KANSL3: variants seen among roughly 807,000 people sequenced by gnomAD.
KANSL3 encodes the protein NSL complex protein NSL3.
A neutral mutation model predicts 89.2 loss-of-function variants in KANSL3; 16 were observed. The ratio of observed to expected loss-of-function variants is 0.18; its 90% CI spans 0.12 to 0.27. The LOEUF (loss-of-function observed/expected upper bound fraction) is 0.27. Among genes scored for constraint, KANSL3 ranks in the 10% least tolerant of loss-of-function variants. The pLI is 1.00. For synonymous variants in KANSL3, 385 were observed against 419.7 expected (o/e 0.92, Z 1.01); for missense variants, 879 against 1,110.6 (o/e 0.79, Z 2.96).
chr2:96,627,572 A>G (rs1255812387), intron 3 of KANSL3, among the ~76,000 whole-genome samples: 19 of 152,208 alleles, frequency 1.2e-4, no homozygotes, highest in Admixed American at 1.2e-3. Flanking sequence ...GAGAGAGGAA[A>G]AAAGCTCTTA....
chr2:96,589,453 G>C (rs2066259526), downstream of KANSL3, among the ~76,000 whole-genome samples: 1 of 152,168 alleles, frequency 6.6e-6, no homozygotes, highest in Non-Finnish European at 1.5e-5. Context: ...AACAGGGACA[G>C]AGGGACATTA....
chr2:96,599,042 A>G (rs951829896), intron 20 of KANSL3, among the ~76,000 whole-genome samples: 2 of 152,158 alleles, frequency 1.3e-5, no homozygotes, highest in African/African-American at 4.8e-5. Context: ...AGCAAACTAG[A>G]AACAGAATTG....
At chr2:96,601,612 C>T (rs1353921046) in intron 20 of KANSL3, 31 bp downstream of exon 20, 1 of 1,608,240 alleles carries the variant, frequency 6.2e-7, no homozygotes, top group Admixed American at 1.7e-5. Context: ...ATAATGAAGC[C>T]CATGTCCTCA....
At chr2:96,634,415 C>T (rs1488833351) in intron 2 of KANSL3, among the ~76,000 whole-genome samples, 2 of 151,928 alleles carry the variant, frequency 1.3e-5, no homozygotes, top group Non-Finnish European at 2.9e-5. Context: ...ACTTGGGAGG[C>T]TGAGGCAGGA....
intron 14 of KANSL3, among the ~76,000 whole-genome samples, chr2:96,607,961 C>G (rs182305487): frequency 6.6e-6 from 1 of 152,206 alleles, no homozygotes; most frequent in African/African-American, 2.4e-5. Flanking sequence ...CCAATGAACT[C>G]TCCCTTTTCT....
At position 96,619,532 on chromosome 2, in the gene KANSL3, G is replaced by C; in HGVS notation, c.490C>G (p.Pro164Ala). Residue 164 changes from proline to alanine, a missense_variant, in exon 5 of 21, where the codon CCA becomes GCA. Physicochemically the swap from Pro to Ala is conservative, Grantham distance 27. Transcript: ENST00000431828. ...TCCACAGCAACACGGCGCAGCACTG[G>C]CTCATTACAAGCCTGAAGGATGTAA... ...RLANEGACNE[P>A]VLRRVAVDKC... The C allele has an allele frequency of 1.9e-6, 3 of 1,613,704 alleles. No individual in the cohort carries two copies. Among genetic ancestry groups the C allele is most frequent in the Non-Finnish European group, 2.5e-6 (3 of 1,179,622 alleles).
chr2:96,598,947 TCCTC>T (rs2104907176), intron 20 of KANSL3, among the ~76,000 whole-genome samples: 1 of 146,708 alleles, frequency 6.8e-6, no homozygotes, highest in South Asian at 2.2e-4. Flanking sequence ...GAAATGTTTA[TCCTC>T]ATTCATTTCA....
downstream of KANSL3, among the ~76,000 whole-genome samples, chr2:96,588,415 G>C (rs577545087): frequency 3.4e-4 from 51 of 152,048 alleles, no homozygotes; most frequent in Non-Finnish European, 5.3e-4. Flanking sequence ...GTAAAATTCA[G>C]ACATTCTCAG....
In KANSL3 at chr2:96,595,316, C is replaced by A. The variant is rs912755506; in HGVS notation, c.*295G>T. On this transcript the variant is annotated 3_prime_UTR_variant, in exon 21 of 21. Coordinates refer to ENST00000431828, the MANE Select transcript of KANSL3 (RefSeq NM_001115016.3). Reference sequence around the variant, plus strand: ...CCTATATGCTGACCCTTGGGTCAAACCACAGCTTAAGCGGGGGAAGAAGTG... The same window carrying A: ...CCTATATGCTGACCCTTGGGTCAAAACACAGCTTAAGCGGGGGAAGAAGTG... 24 of 376,444 alleles carry A rather than the reference C, an allele frequency of 6.4e-5. No individual in the cohort carries two copies. The highest frequency in any genetic ancestry group is 1.1e-4 in the Non-Finnish European group (23 of 205,194). 23.3% of individuals were successfully genotyped at this position (376,444 alleles called of 1,614,324 possible). A position where few individuals can be genotyped will look rare whatever the true frequency, so the allele number is the denominator to read the frequency against.
At position 96,636,986 on chromosome 2, in the gene KANSL3, A is replaced by T. The variant is rs529876950; in HGVS notation, c.150T>A (p.Asp50Glu). 1 of 1,551,426 alleles carries T rather than the reference A, an allele frequency of 6.4e-7. No homozygotes were observed. Among genetic ancestry groups the T allele is most frequent in the Admixed American group, 2.0e-5 (1 of 50,962 alleles). ...TGCGGGTGGGGCGGGCACTACTGGC[A>T]TCTGGGTGGGCACTCCAAGGCTTGG... ...SYAKPWSAHP[D>E]ASSARPTRML... is the part of the protein sequence containing the mutation. The change falls in exon 2 of 21, where the codon GAT becomes GAA. Residue 50 changes from aspartate to glutamate, a missense_variant. Asp to Glu is a conservative substitution (Grantham distance 45). Coordinates refer to ENST00000431828, the MANE Select transcript of KANSL3 (RefSeq NM_001115016.3).
intron 5 of KANSL3, among the ~76,000 whole-genome samples, chr2:96,617,444 A>G (rs1185991356): frequency 6.6e-6 from 1 of 152,120 alleles, no homozygotes; most frequent in Non-Finnish European, 1.5e-5. Flanking sequence ...TTAAAAACAC[A>G]TAAGAAACAA....
chr2:96,600,309 G>GTT, intron 20 of KANSL3: 1 of 470,646 alleles, frequency 2.1e-6, no homozygotes, highest in Non-Finnish European at 2.8e-6. Context: ...ATCTCTAGGA[G>GTT]TAGCATCATG....
chr2:96,607,189 G>A (rs1385204631), intron 14 of KANSL3: 1 of 410,732 alleles, frequency 2.4e-6, no homozygotes, highest in Non-Finnish European at 4.6e-6. Flanking sequence ...CTCTGCCACG[G>A]AGTCAGTCTG....
At chr2:96,629,260 C>G (rs1193836292) in intron 3 of KANSL3, among the ~76,000 whole-genome samples, 1 of 152,130 alleles carries the variant, frequency 6.6e-6, no homozygotes, top group African/African-American at 2.4e-5. Context: ...CTGACTCTAG[C>G]AATATTCCAG....
chr2:96,612,537 C>G lies in KANSL3; in HGVS notation c.939G>C (p.Leu313=), dbSNP rs1160749121. 2.5e-6 allele frequency: 4 copies of G among 1,613,782 alleles called. No homozygotes were observed. The African/African-American group carries it at 5.3e-5, about 22-fold the overall frequency. The change falls in exon 8 of 21, where the codon CTG becomes CTC. Residue 313 remains leucine (L), a synonymous_variant. Transcript: ENST00000431828. ...GAACTCCTACCCCACTGCCATTGTT[C>G]AGCAGATGGGTGGCTACAGGGATGA... ...GKVIPVATHL[L]NNGSGVGVLQ...
intron 20 of KANSL3, among the ~76,000 whole-genome samples, chr2:96,596,215 T>C (rs139044077): frequency 0.029 from 4,388 of 152,286 alleles, 90 homozygotes; most frequent in Non-Finnish European, 0.046. Flanking sequence ...TTCCCCACTT[T>C]TCTAAATTTC....
Position 96,602,330 on chromosome 2 carries a change from A to G in KANSL3, c.2268T>C (p.Ser756=). The G allele has an allele frequency of 6.2e-7, 1 of 1,607,578 alleles. No homozygotes were observed. Among genetic ancestry groups the G allele is most frequent in the Non-Finnish European group, 8.5e-7 (1 of 1,177,512 alleles). The change falls in exon 19 of 21, where the codon AGT becomes AGC. Residue 756 remains serine (S), a synonymous_variant. Coordinates refer to ENST00000431828, the MANE Select transcript of KANSL3 (RefSeq NM_001115016.3). ...TCTGCATGGGGGTGGGCAACTTCAC[A>G]CTGGTGGCCTGTGGGACACACAAGC... ...PSPGPAPQAT[S]VKLPTPMQSL...
intron 20 of KANSL3, chr2:96,599,900 C>T (rs2066941151): frequency 6.5e-6 from 1 of 152,796 alleles, no homozygotes; most frequent in Non-Finnish European, 1.5e-5. Flanking sequence ...GTAGCAAAAA[C>T]TTTTTGAAGG....
chr2:96,597,988 C>G (rs780099083), intron 20 of KANSL3: 1 of 450,564 alleles, frequency 2.2e-6, no homozygotes, highest in Non-Finnish European at 2.9e-6. Flanking sequence ...TGTGCTTCAA[C>G]TGAGCTCCAG....
Sources: gnomAD v4.1 joint callset for allele counts (sites outside exome capture counted in the v4.1 genomes callset) on GRCh38, gnomAD v4.1.1 for gene constraint, MANE v1.5 for transcripts, NCBI Gene and HGNC (gene_info 2026-07-23, HGNC 2026-07-21) for gene names.